Variants in SIK3 observed in about 807,000 individuals in gnomAD.
SIK3 encodes serine/threonine-protein kinase SIK3.
Under a neutral mutation model 144.2 loss-of-function variants are expected in SIK3, and 28 were observed. That is an observed-to-expected ratio of 0.19 (90% confidence interval 0.14 to 0.27). The LOEUF (loss-of-function observed/expected upper bound fraction) is 0.27. Among genes scored for constraint, SIK3 ranks in the 10% least tolerant of loss-of-function variants. SIK3 has a pLI of 1.00. For missense variants in SIK3, 1,319 were observed against 1,776.0 expected, an observed-to-expected ratio of 0.74 and a Z score of 4.62; for synonymous variants, 686 against 676.3, an observed-to-expected ratio of 1.01 and a Z score of -0.22.
rs143958391 is a variant in SIK3, at chr11:116,988,214, C to T, written c.274-31150G>A. Among the ~76,000 whole-genome samples the T allele has an allele frequency of 1.1e-3, 173 of 151,722 alleles. 1 individual carries two copies. The East Asian group carries it at 0.017, about 15-fold the overall frequency. On this transcript the variant is annotated intron_variant, in intron 1 of 24. Transcript: ENST00000445177. ...CATCCTGGCTAACACCATGAAACCC[C>T]GTCTCTACTAAAACTACAAAAAATT... is the stretch of plus-strand genomic sequence containing the variant.
chr11:117,029,812 G>T (rs1952177354), intron 1 of SIK3, among the ~76,000 whole-genome samples: 2 of 151,870 alleles, frequency 1.3e-5, no homozygotes. Context: ...TTACATTTGT[G>T]ATGGCTATGT....
intron 1 of SIK3, among the ~76,000 whole-genome samples, chr11:117,042,162 C>T (rs1318383862): frequency 6.6e-6 from 1 of 152,114 alleles, no homozygotes; most frequent in Non-Finnish European, 1.5e-5. Context: ...CTATAGTTCC[C>T]CCATTTTTAG....
At chr11:116,845,927 A>G (rs188012780) in intron 24 of SIK3, among the ~76,000 whole-genome samples, 3 of 152,258 alleles carry the variant, frequency 2.0e-5, no homozygotes, top group African/African-American at 7.2e-5. Context: ...CATTTCCCTA[A>G]TCTGGAATAT....
At chr11:117,077,107 A>G (rs1013732453) in intron 1 of SIK3, among the ~76,000 whole-genome samples, 2 of 152,176 alleles carry the variant, frequency 1.3e-5, no homozygotes, top group African/African-American at 2.4e-5. Flanking sequence ...TGTGAGCTAC[A>G]ATCACACCAC....
At position 116,994,574 on chromosome 11, in the gene SIK3, T is replaced by A. The variant is rs535923426; in HGVS notation, c.274-37510A>T. On this transcript the variant is annotated intron_variant, in intron 1 of 24. Transcript: ENST00000445177. ...ATAATGATTCATGACAAAAAGTGCT[T>A]GGTGGTAAGGATTCAATAAATGATC... Among the ~76,000 whole-genome samples the A allele has an allele frequency of 9.8e-5, 15 of 152,302 alleles. No homozygotes were observed. In the East Asian group the frequency reaches 2.9e-3, roughly 29 times the overall value.
chr11:116,998,482 A>G (rs1052081281), intron 1 of SIK3, among the ~76,000 whole-genome samples: 1 of 152,066 alleles, frequency 6.6e-6, no homozygotes, highest in African/African-American at 2.4e-5. Flanking sequence ...AAAAAAAAAA[A>G]AAAAAAAAAA....
intron 1 of SIK3, among the ~76,000 whole-genome samples, chr11:117,049,920 A>C (rs1953148915): frequency 6.6e-6 from 1 of 151,850 alleles, no homozygotes; most frequent in Non-Finnish European, 1.5e-5. Context: ...GCATCACAGC[A>C]CTGCACTCCA....
intron 1 of SIK3, among the ~76,000 whole-genome samples, chr11:117,023,635 T>G (rs1159044856): frequency 7.0e-6 from 1 of 143,580 alleles, no homozygotes; most frequent in Non-Finnish European, 1.5e-5. Context: ...TATATATATA[T>G]ATATATATAT....
At chr11:117,071,457 A>G (rs540673301) in intron 1 of SIK3, among the ~76,000 whole-genome samples, 1 of 152,122 alleles carries the variant, frequency 6.6e-6, no homozygotes, top group South Asian at 2.1e-4. Context: ...GCAAGCTCAT[A>G]AGGACAGAGG....
Position 117,089,838 on chromosome 11 carries a change from C to T in SIK3, c.273+8305G>A, listed in dbSNP as rs11823898. 3.9e-5 allele frequency among the ~76,000 whole-genome samples: 6 copies of T among 152,298 alleles called. 1 individual carries two copies. Among genetic ancestry groups the T allele is most frequent in the South Asian group, 2.1e-4 (1 of 4,826 alleles). On this transcript the variant is annotated intron_variant, in intron 1 of 24. Coordinates refer to ENST00000445177, the MANE Select transcript of SIK3 (RefSeq NM_001366686.3). ...CAGGCAATGAGTCTGCTTCTCTTTC[C>T]GTTTCAACTTCTGGGAAATGTGGCT...
At chr11:117,002,074 T>TC (rs1950872475) in intron 1 of SIK3, among the ~76,000 whole-genome samples, 1 of 152,206 alleles carries the variant, frequency 6.6e-6, no homozygotes, top group African/African-American at 2.4e-5. Context: ...CATTTGCAGT[T>TC]CCCTGAACTT....
chr11:117,001,684 G>C (rs1009558731), intron 1 of SIK3, among the ~76,000 whole-genome samples: 1 of 152,012 alleles, frequency 6.6e-6, no homozygotes, highest in East Asian at 1.9e-4. Flanking sequence ...CCTGCCTCCA[G>C]GCCTCAAACG....
In SIK3 at chr11:116,967,003, C is replaced by CAAAAAAAAA. The variant is rs780692335; in HGVS notation, c.274-9948_274-9940dup. Among the ~76,000 whole-genome samples the CAAAAAAAAA allele has an allele frequency of 8.8e-3, 875 of 99,556 alleles. 7 individuals are homozygous for CAAAAAAAAA. Among genetic ancestry groups the CAAAAAAAAA allele is most frequent in the South Asian group, 0.015 (41 of 2,764 alleles). The allele number at this position is 99,556 out of a possible 152,430, so 65.3% of individuals were successfully genotyped here. ...CTGGTGACAGAGCAAGACTCTGTTT[C>CAAAAAAAAA]AAAAAAAAAAAGAAAAAGAAAAAGA... On this transcript the variant is annotated intron_variant, in intron 1 of 24. Coordinates refer to ENST00000445177, the MANE Select transcript of SIK3 (RefSeq NM_001366686.3).
chr11:116,920,104 C>T (rs1323713865), intron 4 of SIK3, among the ~76,000 whole-genome samples: 6 of 151,382 alleles, frequency 4.0e-5, no homozygotes, highest in African/African-American at 1.5e-4. Flanking sequence ...ACTGCTCCTG[C>T]CTTCTCGGGG....
At chr11:116,927,404 A>G in intron 3 of SIK3, 24 bp from the exon 4 acceptor site, 1 of 1,605,508 alleles carries the variant, frequency 6.2e-7, no homozygotes, top group Non-Finnish European at 8.5e-7. Context: ...GAATACAGTC[A>G]GTTTTCATTT....
At chr11:116,988,299 T>C (rs539757146) in intron 1 of SIK3, among the ~76,000 whole-genome samples, 26 of 151,538 alleles carry the variant, frequency 1.7e-4, no homozygotes, top group Non-Finnish European at 3.1e-4. Flanking sequence ...GGCAGGAGAA[T>C]GGCGTGAACC....
rs967356206 is a variant in SIK3 at position 116,846,723 on chromosome 11, G to A, written c.3953-170C>T. On this transcript the variant is annotated intron_variant, in intron 23 of 24. Coordinates refer to ENST00000445177, the MANE Select transcript of SIK3 (RefSeq NM_001366686.3). This position sits in a 1 kb window ranked among gnomAD's most constrained non-coding sequence, Gnocchi z 4.1. ...CTCAAGGTGTTGAGTGACGATGGGC[G>A]GGGGCCAAGATTCTTCCTATATTCT... Among the ~76,000 whole-genome samples, 3 of 152,168 alleles carry A rather than the reference G, an allele frequency of 2.0e-5. No individual in the cohort carries two copies. The highest frequency in any genetic ancestry group is 4.4e-5 in the Non-Finnish European group (3 of 68,032).
At chr11:116,938,654 AGGAG>A (rs1948122508) in intron 3 of SIK3, among the ~76,000 whole-genome samples, 1 of 145,342 alleles carries the variant, frequency 6.9e-6, no homozygotes, top group African/African-American at 2.6e-5. Flanking sequence ...AGGAGAGGAG[AGGAG>A]AGGAGACCAA....
rs565609254 is a variant in SIK3 at position 117,004,754 on chromosome 11, T to A, written c.274-47690A>T. Among the ~76,000 whole-genome samples the A allele has an allele frequency of 9.8e-5, 15 of 152,306 alleles. No individual in the cohort carries two copies. In the East Asian group the frequency reaches 2.7e-3, roughly 27 times the overall value. ...TCAATAACTTTACTCCAACCAACTC[T>A]TGTAAGATTCCTACCTCTTCTCCTC... On this transcript the variant is annotated intron_variant, in intron 1 of 24. Transcript: ENST00000445177.
Sources: allele counts gnomAD v4.1 joint callset (sites outside exome capture counted in the v4.1 genomes callset), GRCh38; gene constraint gnomAD v4.1.1; non-coding constraint Gnocchi (gnomAD v3.1); transcripts MANE v1.5; gene names NCBI Gene and HGNC (gene_info 2026-07-23, HGNC 2026-07-21).